The following SMC1B variants were observed in gnomAD, a reference collection of about 807,000 sequenced individuals.
The protein encoded by SMC1B is structural maintenance of chromosomes 1B.
In SMC1B, 60 loss-of-function variants were observed where a neutral mutation model predicts 157.9. The observed-to-expected ratio is 0.38, with a 90% CI of 0.31 to 0.47. The LOEUF (loss-of-function observed/expected upper bound fraction) is 0.47. Among genes scored for constraint, SMC1B ranks in the 20% least tolerant of loss-of-function variants. The pLI is 0.99. For synonymous variants in SMC1B, 445 were observed against 483.0 expected (o/e 0.92, Z 1.03); for missense variants, 1,165 against 1,426.2 (o/e 0.82, Z 2.95).
intron 14 of SMC1B, among the ~76,000 whole-genome samples, chr22:45,370,310 G>T (rs900444976): frequency 2.6e-5 from 4 of 152,062 alleles, no homozygotes; most frequent in African/African-American, 9.7e-5. Flanking sequence ...TTGGCTTTAT[G>T]AATGTTTAGT....
At chr22:45,404,217 T>C (rs2087230644) in intron 4 of SMC1B, among the ~76,000 whole-genome samples, 1 of 150,070 alleles carries the variant, frequency 6.7e-6, no homozygotes, top group Non-Finnish European at 1.5e-5. Flanking sequence ...GTTGGGATTA[T>C]AGGCATGAGG....
Position 45,393,853 on chromosome 22 carries a change from C to T in SMC1B, c.1338-12G>A. The T allele has an allele frequency of 1.9e-6, 3 of 1,590,454 alleles. No individual in the cohort carries two copies. Among genetic ancestry groups the T allele is most frequent in the Non-Finnish European group, 2.6e-6 (3 of 1,165,908 alleles). ...CTTTCAAGCAATCCCTACAAAATAA[C>T]AACAAATTATACAGCAAAATGATAA... On this transcript the variant is annotated splice_polypyrimidine_tract_variant and intron_variant, in intron 8 of 24. Coordinates refer to ENST00000357450, the MANE Select transcript of SMC1B (RefSeq NM_148674.5).
chr22:45,376,587 T>C (rs896434276), intron 12 of SMC1B, among the ~76,000 whole-genome samples: 3 of 152,188 alleles, frequency 2.0e-5, no homozygotes, highest in African/African-American at 4.8e-5. Flanking sequence ...AAAAAAAGAA[T>C]TGCTGGATCA....
intron 15 of SMC1B, 75 bp from the exon 16 acceptor site, chr22:45,363,101 C>A: frequency 9.3e-7 from 1 of 1,073,302 alleles, no homozygotes; most frequent in Non-Finnish European, 1.3e-6. Context: ...TGGGAAATTT[C>A]AAACAAATAT....
chr22:45,413,382 C>T, intron 1 of SMC1B, 77 bp downstream of exon 1: 1 of 1,190,270 alleles, frequency 8.4e-7, no homozygotes, highest in South Asian at 1.4e-5. Flanking sequence ...CAGACGCCCA[C>T]ACCCCACAGG....
intron 15 of SMC1B, among the ~76,000 whole-genome samples, chr22:45,363,706 CTT>C (rs1276391116): frequency 7.6e-5 from 8 of 105,098 alleles, no homozygotes; most frequent in African/African-American, 1.3e-4. Context: ...AAAAAAAATT[CTT>C]TTTTAAAAAA....
chr22:45,399,014 G>A (rs1301192080), intron 6 of SMC1B, 81 bp downstream of exon 6: 2 of 1,342,078 alleles, frequency 1.5e-6, no homozygotes, highest in African/African-American at 2.9e-5. Context: ...TATCAGAGAG[G>A]TCATCTTTTA....
chr22:45,412,315 C>T (rs1281115871), intron 1 of SMC1B, among the ~76,000 whole-genome samples: 2 of 151,912 alleles, frequency 1.3e-5, no homozygotes, highest in African/African-American at 4.8e-5. Context: ...ATTCTCCTGC[C>T]TCAGCCTCCT....
At position 45,344,441 on chromosome 22, in the gene SMC1B, T is replaced by C; in HGVS notation, c.*115A>G. ...CTTTGGCTAGAACGACTAAGGTTTCTCTTAAAGGGTGCACCAGGCTGGTCC... is the reference window on the plus strand; with the variant it reads ...CTTTGGCTAGAACGACTAAGGTTTCCCTTAAAGGGTGCACCAGGCTGGTCC... On this transcript the variant is annotated 3_prime_UTR_variant, in exon 25 of 25. Coordinates refer to ENST00000357450, the MANE Select transcript of SMC1B (RefSeq NM_148674.5). 2.9e-6 allele frequency: 2 copies of C among 689,364 alleles called. No homozygotes were observed. The highest frequency in any genetic ancestry group is 5.1e-6 in the Non-Finnish European group (2 of 394,050). 42.7% of individuals were successfully genotyped at this position (689,364 alleles called of 1,614,324 possible).
At chr22:45,388,751 C>A (rs879765425) in intron 10 of SMC1B, among the ~76,000 whole-genome samples, 27 of 151,670 alleles carry the variant, frequency 1.8e-4, no homozygotes, top group Non-Finnish European at 3.1e-4. Context: ...CCGAGGCAGG[C>A]GGATCACCTG....
At chr22:45,393,585 C>A in intron 9 of SMC1B, 49 bp downstream of exon 9, 5 of 1,397,784 alleles carry the variant, frequency 3.6e-6, no homozygotes, top group Non-Finnish European at 4.0e-6. Context: ...TGAAAGCAAA[C>A]AGGAAAGCTT....
chr22:45,378,821 TA>T (rs1192461780), intron 12 of SMC1B, among the ~76,000 whole-genome samples: 1 of 152,224 alleles, frequency 6.6e-6, no homozygotes, highest in African/African-American at 2.4e-5. Flanking sequence ...ATGTTACATA[TA>T]ATCTTCTTTA....
chr22:45,395,431 C>T (rs937971216), intron 7 of SMC1B, among the ~76,000 whole-genome samples: 1 of 152,216 alleles, frequency 6.6e-6, no homozygotes, highest in Non-Finnish European at 1.5e-5. Flanking sequence ...TCAACCAACA[C>T]TTATTGACAT....
In SMC1B at chr22:45,352,449, A is replaced by C; in HGVS notation, c.3425+2T>G. ...AAAACTGAATAGCTTTTGTGACCTT[A>C]CCTGTGCACAGCAAACAGGAGAGCC... On this transcript the variant is annotated splice_donor_variant, in intron 22 of 24. Coordinates refer to ENST00000357450, the MANE Select transcript of SMC1B (RefSeq NM_148674.5). LOFTEE classifies it high-confidence loss of function. 6.2e-7 allele frequency: 1 copy of C among 1,612,606 alleles called. No individual in the cohort carries two copies. The highest frequency in any genetic ancestry group is 8.5e-7 in the Non-Finnish European group (1 of 1,179,332).
At chr22:45,361,045 G>T (rs905011242) in intron 17 of SMC1B, among the ~76,000 whole-genome samples, 1 of 151,530 alleles carries the variant, frequency 6.6e-6, no homozygotes, top group African/African-American at 2.4e-5. Context: ...CTCTAAGTGC[G>T]TATGAATATT....
intron 12 of SMC1B, among the ~76,000 whole-genome samples, chr22:45,380,015 G>A (rs1277909088): frequency 6.6e-6 from 1 of 152,112 alleles, no homozygotes; most frequent in Non-Finnish European, 1.5e-5. Context: ...GGGATTACAG[G>A]TATGAGCTAT....
intron 12 of SMC1B, 135 bp from the exon 13 acceptor site, chr22:45,372,427 A>G (rs1312353203): frequency 1.1e-5 from 8 of 708,556 alleles, no homozygotes; most frequent in South Asian, 4.5e-5. Context: ...TCCTCTGATA[A>G]GAGACTGGGC....
rs182485181 is a variant in SMC1B, at chr22:45,369,340, C to A, written c.2420+614G>T. The stretch of plus-strand genomic sequence containing the variant: ...CTCTATCTCCTGACCTCATGATCCG[C>A]CTGCCTCGGCCTCCCAAAGTGCTGG... On this transcript the variant is annotated intron_variant, in intron 15 of 24. Transcript: ENST00000357450. 6.6e-3 allele frequency among the ~76,000 whole-genome samples: 1,005 copies of A among 152,066 alleles called. 6 individuals carry two copies. The highest frequency in any genetic ancestry group is 0.014 in the Middle Eastern group (4 of 294).
intron 12 of SMC1B, among the ~76,000 whole-genome samples, chr22:45,375,431 C>A (rs2086875306): frequency 6.6e-6 from 1 of 152,182 alleles, no homozygotes; most frequent in South Asian, 2.1e-4. Context: ...GCGTCCTCAA[C>A]CTTGGCAAAA....
Sources: allele counts gnomAD v4.1 joint callset (sites outside exome capture counted in the v4.1 genomes callset), GRCh38; gene constraint gnomAD v4.1.1; transcripts MANE v1.5; gene names NCBI Gene and HGNC (gene_info 2026-07-23, HGNC 2026-07-21).